Variants in NAV2 observed in about 807,000 individuals in gnomAD.
NAV2 encodes the protein helicase, APC down-regulated 1.
NAV2 carries 54 observed loss-of-function variants against 223.2 expected under a neutral mutation model. The ratio of observed to expected loss-of-function variants is 0.24; its 90% confidence interval spans 0.19 to 0.30. NAV2 has a LOEUF of 0.30. Ranked by LOEUF, NAV2 falls within the 10% of genes least tolerant of loss-of-function variation. The pLI is 1.00. For synonymous variants in NAV2, 1,279 were observed against 1,239.3 expected (o/e 1.03, Z -0.67); for missense variants, 2,806 against 3,147.5 (o/e 0.89, Z 2.60).
At chr11:19,871,328 C>A (rs1395320230) in intron 4 of NAV2, among the ~76,000 whole-genome samples, 1 of 152,162 alleles carries the variant, frequency 6.6e-6, no homozygotes, top group Non-Finnish European at 1.5e-5. Flanking sequence ...TACCCTCATT[C>A]CTTCCAGTGT....
chr11:19,395,192 C>T (rs1004166869), intron 1 of NAV2, among the ~76,000 whole-genome samples: 1 of 152,250 alleles, frequency 6.6e-6, no homozygotes, highest in South Asian at 2.1e-4. Context: ...GCCATGGCTA[C>T]ACCTGAGTGG....
In NAV2 at chr11:19,640,871, A is replaced by G. The variant is rs114095322; in HGVS notation, c.76-191613A>G. The stretch of plus-strand genomic sequence containing the variant: ...GACATTGTGGCACTGATGTCAAGCT[A>G]GGGATGGCCTGAGCAACTGCAGACA... On this transcript the variant is annotated intron_variant, in intron 1 of 37. Transcript: ENST00000360655. 6.4e-3 allele frequency among the ~76,000 whole-genome samples: 978 copies of G among 152,330 alleles called. 8 individuals carry two copies. The highest frequency in any genetic ancestry group is 0.022 in the African/African-American group (926 of 41,570).
chr11:19,927,688 TAAAAC>T lies in NAV2; in HGVS notation c.932-5463_932-5459del, dbSNP rs111622616. Among the ~76,000 whole-genome samples the T allele has an allele frequency of 3.3e-3, 494 of 150,564 alleles. 2 individuals are homozygous for T. The highest frequency in any genetic ancestry group is 0.01 in the African/African-American group (418 of 40,984). On this transcript the variant is annotated intron_variant, in intron 6 of 37. Transcript: ENST00000349880. ...GGCAACAGAGCAAAACTACATCTTT[TAAAAC>T]AAAACAAAACAAAACAAAACAAAAA...
At chr11:19,768,871 G>T (rs2055461617) in intron 1 of NAV2, among the ~76,000 whole-genome samples, 2 of 152,226 alleles carry the variant, frequency 1.3e-5, no homozygotes, top group African/African-American at 4.8e-5. Context: ...AAAGCACTTA[G>T]ATAGTGCCTA....
chr11:19,988,644 C>T (rs1175171578), intron 11 of NAV2, among the ~76,000 whole-genome samples: 1 of 152,144 alleles, frequency 6.6e-6, no homozygotes, highest in Non-Finnish European at 1.5e-5. Context: ...ACTGTACAGA[C>T]TTTCCAGGCT....
intron 1 of NAV2, among the ~76,000 whole-genome samples, chr11:19,434,849 C>CT (rs57000125): frequency 0.35 from 45,326 of 129,080 alleles, 7,957 homozygotes; most frequent in Admixed American, 0.39. Context: ...AAGGTTGTGG[C>CT]TTTTTTTTTT....
At chr11:19,379,627 T>C (rs1848765960) in intron 1 of NAV2, among the ~76,000 whole-genome samples, 1 of 152,204 alleles carries the variant, frequency 6.6e-6, no homozygotes, top group Non-Finnish European at 1.5e-5. Context: ...TCCGCTGCCC[T>C]GACTCTTCCC....
chr11:19,983,093 T>A (rs2050443520), intron 10 of NAV2, among the ~76,000 whole-genome samples: 1 of 152,140 alleles, frequency 6.6e-6, no homozygotes, highest in Non-Finnish European at 1.5e-5. Context: ...GGATCCAAGT[T>A]TGGTTTCTGG....
At position 20,049,127 on chromosome 11, in the gene NAV2, C is replaced by T; in HGVS notation, c.4302C>T (p.Ala1434=). The change falls in exon 15 of 38, where the codon GCC becomes GCT. Residue 1434 remains alanine (A), a synonymous_variant. Transcript: ENST00000349880. ...ACAATTCTTCCACTGGCCTCATCGC[C>T]TCCTCCAAGGACGACTCCTTGACTC... ...PSHNSSTGLI[A]SSKDDSLTPF... is the part of the protein sequence containing the mutation. 6.2e-7 allele frequency: 1 copy of T among 1,614,060 alleles called. No individual in the cohort carries two copies. Among genetic ancestry groups the T allele is most frequent in the Non-Finnish European group, 8.5e-7 (1 of 1,179,996 alleles).
At chr11:19,890,391 G>A (rs2041403158) in intron 5 of NAV2, among the ~76,000 whole-genome samples, 1 of 152,168 alleles carries the variant, frequency 6.6e-6, no homozygotes, top group Non-Finnish European at 1.5e-5. Flanking sequence ...CTGTGGTTCA[G>A]CCTAGGGTCA....
At chr11:19,991,085 GGTGAAA>G (rs2051285014) in intron 11 of NAV2, among the ~76,000 whole-genome samples, 1 of 152,078 alleles carries the variant, frequency 6.6e-6, no homozygotes, top group Non-Finnish European at 1.5e-5. Flanking sequence ...GAATGAGGGT[GGTGAAA>G]GTGTTTTTGC....
intron 1 of NAV2, among the ~76,000 whole-genome samples, chr11:19,380,032 G>A (rs79550323): frequency 8.3e-4 from 126 of 151,852 alleles, no homozygotes; most frequent in African/African-American, 2.5e-3. Context: ...GGATAAATAC[G>A]GCCATGATGG....
chr11:20,116,937 G>A (rs2063148670), intron 37 of NAV2, among the ~76,000 whole-genome samples: 1 of 152,182 alleles, frequency 6.6e-6, no homozygotes, highest in Non-Finnish European at 1.5e-5. Context: ...AGTGTTTAAT[G>A]AGTGAATAAG....
chr11:20,068,120 G>A (rs1296350264), intron 20 of NAV2, 66 bp from the exon 21 acceptor site: 12 of 1,402,952 alleles, frequency 8.6e-6, no homozygotes, highest in African/African-American at 5.7e-5. Flanking sequence ...TGGTGTTCCC[G>A]ATGGGCTGGA....
chr11:19,665,936 C>T (rs1590058746), intron 1 of NAV2, among the ~76,000 whole-genome samples: 1 of 152,160 alleles, frequency 6.6e-6, no homozygotes, highest in South Asian at 2.1e-4. Flanking sequence ...TCATCATCAT[C>T]GTCATCATCA....
chr11:19,492,938 AT>A (rs1011840410), intron 1 of NAV2, among the ~76,000 whole-genome samples: 23 of 152,202 alleles, frequency 1.5e-4, no homozygotes, highest in Non-Finnish European at 2.9e-4. Flanking sequence ...GCTGGACCAG[AT>A]TCTAAGTCTC....
intron 1 of NAV2, among the ~76,000 whole-genome samples, chr11:19,816,803 T>C (rs76314818): frequency 0.017 from 2,639 of 152,340 alleles, 33 homozygotes; most frequent in Middle Eastern, 0.054. Flanking sequence ...TAAAAATATG[T>C]AAATATACCT....
In NAV2 at chr11:19,482,574, A is replaced by G. The variant is rs376305592; in HGVS notation, c.75+131547A>G. On this transcript the variant is annotated intron_variant, in intron 1 of 37. Coordinates refer to the NAV2 transcript ENST00000360655. The stretch of plus-strand genomic sequence containing the variant: ...TGATGACTGGGGAAGATAGAGTCTT[A>G]GGGGAGTTAGTGTGAGCTACTCTGA... Among the ~76,000 whole-genome samples the G allele has an allele frequency of 5.3e-5, 8 of 152,308 alleles. No homozygotes were observed. In the South Asian group the frequency reaches 6.2e-4, roughly 12 times the overall value.
chr11:19,593,412 C>T (rs112429497), intron 1 of NAV2, among the ~76,000 whole-genome samples: 1 of 151,562 alleles, frequency 6.6e-6, no homozygotes, highest in African/African-American at 2.4e-5. Flanking sequence ...ACCACTGATA[C>T]ATGACTGACT....
Sources: allele counts gnomAD v4.1 joint callset (sites outside exome capture counted in the v4.1 genomes callset), GRCh38; gene constraint gnomAD v4.1.1; transcripts MANE v1.5; gene names NCBI Gene and HGNC (gene_info 2026-07-23, HGNC 2026-07-21).